DOCK10: variants seen among roughly 807,000 people sequenced by gnomAD.
DOCK10 encodes dedicator of cytokinesis protein 10.
In DOCK10, 145 loss-of-function variants were observed where a neutral mutation model predicts 280.1. The observed-to-expected ratio is 0.52, with a 90% confidence interval of 0.45 to 0.59. The LOEUF (loss-of-function observed/expected upper bound fraction) is 0.59. Among genes scored for constraint, DOCK10 ranks in the 20% least tolerant of loss-of-function variants. The pLI is 0.00. For missense variants in DOCK10, 2,368 were observed against 2,651.7 expected (o/e 0.89, Z 2.35); for synonymous variants, 915 against 942.2 (o/e 0.97, Z 0.53).
intron 1 of DOCK10, among the ~76,000 whole-genome samples, chr2:225,013,424 T>C (rs905906250): frequency 3.3e-5 from 5 of 152,200 alleles, no homozygotes; most frequent in Non-Finnish European, 7.3e-5. Flanking sequence ...GAAAGTACTA[T>C]GTCTCAGAAA....
At chr2:224,855,080 C>CACAG in intron 15 of DOCK10, 38 bp from the exon 16 acceptor site, 4 of 1,135,252 alleles carry the variant, frequency 3.5e-6, no homozygotes, top group Non-Finnish European at 5.1e-6. Context: ...CACACACACA[C>CACAG]ACACACACAC....
At position 224,916,667 on chromosome 2, in the gene DOCK10, A is replaced by C. The variant is rs769963598; in HGVS notation, c.333+28T>G. Reference sequence around the variant, plus strand: ...CCCTGGGAAAAAGCAAAAGCCTTAAAATAAAGCATTGGAAGCATCACATTT... The same window carrying C: ...CCCTGGGAAAAAGCAAAAGCCTTAACATAAAGCATTGGAAGCATCACATTT... On this transcript the variant is annotated intron_variant, in intron 3 of 55. Coordinates refer to ENST00000258390, the MANE Select transcript of DOCK10 (RefSeq NM_014689.3). The C allele has an allele frequency of 2.6e-6, 4 of 1,539,362 alleles. No homozygotes were observed. The African/African-American group carries it at 5.5e-5, about 21-fold the overall frequency.
At chr2:224,849,029 T>C (rs916223234) in intron 19 of DOCK10, among the ~76,000 whole-genome samples, 1 of 152,312 alleles carries the variant, frequency 6.6e-6, no homozygotes, top group East Asian at 1.9e-4. Flanking sequence ...TGGAGTGCAG[T>C]GAGTGGCATG....
chr2:224,974,173 G>A (rs575447167), intron 1 of DOCK10, among the ~76,000 whole-genome samples: 2 of 152,330 alleles, frequency 1.3e-5, no homozygotes, highest in African/African-American at 4.8e-5. Context: ...ATTGTCATCT[G>A]TGCCTACCAA....
At chr2:225,009,652 GA>G (rs1553632096) in intron 1 of DOCK10, among the ~76,000 whole-genome samples, 2 of 74,946 alleles carry the variant, frequency 2.7e-5, no homozygotes, top group African/African-American at 7.8e-5. Context: ...AAAAAAAAAA[GA>G]AAGAAAAAAG....
chr2:225,021,531 T>C (rs1446483512), intron 1 of DOCK10, among the ~76,000 whole-genome samples: 1 of 152,208 alleles, frequency 6.6e-6, no homozygotes, highest in Admixed American at 6.5e-5. Flanking sequence ...GATTTGTCCA[T>C]GAAAACCCTG....
chr2:224,778,777 G>T (rs1691068844), intron 50 of DOCK10, among the ~76,000 whole-genome samples: 1 of 152,150 alleles, frequency 6.6e-6, no homozygotes, highest in South Asian at 2.1e-4. Context: ...CATAATCTTA[G>T]ATGAAAAACC....
intron 44 of DOCK10, among the ~76,000 whole-genome samples, chr2:224,795,673 A>G (rs1273805069): frequency 1.3e-5 from 2 of 152,336 alleles, no homozygotes; most frequent in East Asian, 3.9e-4. Context: ...GAGCTGACAG[A>G]CAGTGAGAGA....
chr2:224,838,487 CA>C (rs1270506718), intron 24 of DOCK10, among the ~76,000 whole-genome samples: 1 of 152,132 alleles, frequency 6.6e-6, no homozygotes, highest in Admixed American at 6.6e-5. Flanking sequence ...GTCTTGCCAA[CA>C]CAGAGACACA....
chr2:224,953,422 T>C (rs1040925612), intron 1 of DOCK10, among the ~76,000 whole-genome samples: 15 of 152,214 alleles, frequency 9.9e-5, no homozygotes, highest in Admixed American at 3.9e-4. Context: ...GCTCAACCAG[T>C]GTACACCCTG....
chr2:224,960,158 C>T (rs1265347426), intron 1 of DOCK10, among the ~76,000 whole-genome samples: 2 of 152,272 alleles, frequency 1.3e-5, no homozygotes, highest in Admixed American at 6.5e-5. Flanking sequence ...GTCTTGAATG[C>T]TGCACATTTA....
chr2:224,913,583 G>T (rs150902885), intron 3 of DOCK10, among the ~76,000 whole-genome samples: 133 of 152,302 alleles, frequency 8.7e-4, no homozygotes, highest in Middle Eastern at 6.8e-3. Flanking sequence ...TTGACTCTGT[G>T]TATGGTACTG....
At chr2:224,923,287 G>A (rs1701871141) in intron 2 of DOCK10, among the ~76,000 whole-genome samples, 1 of 152,156 alleles carries the variant, frequency 6.6e-6, no homozygotes, top group Non-Finnish European at 1.5e-5. Context: ...AGTAGTGATA[G>A]AATCCTATAA....
chr2:225,015,687 G>C (rs1689570289), intron 1 of DOCK10, among the ~76,000 whole-genome samples: 1 of 152,176 alleles, frequency 6.6e-6, no homozygotes, highest in Non-Finnish European at 1.5e-5. Flanking sequence ...AAGAGCAGTG[G>C]AGCTCCATTG....
At chr2:225,013,805 C>CTAT (rs1180950397) in intron 1 of DOCK10, among the ~76,000 whole-genome samples, 3 of 152,202 alleles carry the variant, frequency 2.0e-5, no homozygotes, top group Non-Finnish European at 4.4e-5. Flanking sequence ...CTCTGCAAGG[C>CTAT]TATTGGCAGT....
chr2:225,039,380 A>G (rs1195110643), intron 1 of DOCK10, among the ~76,000 whole-genome samples: 1 of 152,074 alleles, frequency 6.6e-6, no homozygotes, highest in African/African-American at 2.4e-5. Flanking sequence ...TCTTTCATTT[A>G]TTTTCTATGG....
intron 11 of DOCK10, among the ~76,000 whole-genome samples, chr2:224,865,798 A>G (rs1697863847): frequency 6.6e-6 from 1 of 151,754 alleles, no homozygotes. Flanking sequence ...CACCTTAATT[A>G]TCCCCCTTGC....
chr2:224,805,245 G>C lies in DOCK10; in HGVS notation c.4012C>G (p.Leu1338Val). Residue 1338 changes from leucine (L) to valine (V), a missense_variant, in exon 36 of 56, where the codon CTG becomes GTG. This residue lies in a region of DOCK10 where 1,159 missense variants were observed against 1,400.8 expected (regional missense o/e 0.83). Transcript: ENST00000258390. The surrounding 1 kb of genome is among the most constrained non-coding windows in gnomAD (Gnocchi z 4.3). ...KLDQAETRSL[L>V]MCFLHIMKTI... is the part of the protein sequence containing the mutation. ...TTCATAATGTGAAGAAAACACATCA[G>C]GAGACTCCTGGTTTCTGCTTGATCT... 6.2e-7 allele frequency: 1 copy of C among 1,612,994 alleles called. No individual in the cohort carries two copies. Among genetic ancestry groups the C allele is most frequent in the Non-Finnish European group, 8.5e-7 (1 of 1,179,320 alleles).
chr2:225,026,751 AG>A (rs1015080239), intron 1 of DOCK10, among the ~76,000 whole-genome samples: 2 of 152,048 alleles, frequency 1.3e-5, no homozygotes, highest in Non-Finnish European at 2.9e-5. Flanking sequence ...GAAATCACCT[AG>A]GGGGGGTTTT....
Sources: allele counts gnomAD v4.1 joint callset (sites outside exome capture counted in the v4.1 genomes callset), GRCh38; gene constraint gnomAD v4.1.1; regional missense constraint gnomAD v4.1.1; non-coding constraint Gnocchi (gnomAD v3.1); transcripts MANE v1.5; gene names NCBI Gene and HGNC (gene_info 2026-07-23, HGNC 2026-07-21).